Variants in TRPM3 observed in about 807,000 individuals in gnomAD.
The protein encoded by TRPM3 is transient receptor potential cation channel subfamily M member 3, also known as long transient receptor potential channel 3.
Under a neutral mutation model 181.2 loss-of-function variants are expected in TRPM3, and 77 were observed. That is an observed-to-expected ratio of 0.42 (90% CI 0.35 to 0.51). The LOEUF (loss-of-function observed/expected upper bound fraction) is 0.51. TRPM3 is among the 20% of genes least tolerant of loss of function. The probability of loss-of-function intolerance (pLI) is 0.01; values close to 1 mark genes in which losing one functional copy is unlikely to be tolerated. For synonymous variants in TRPM3, 745 were observed against 796.4 expected, an observed-to-expected ratio of 0.94 and a Z score of 1.09; for missense variants, 1,759 against 2,196.7, an observed-to-expected ratio of 0.80 and a Z score of 3.98.
intron 1 of TRPM3, among the ~76,000 whole-genome samples, chr9:71,420,828 G>GAGAGAGAGA (rs1281329727): frequency 0.067 from 130 of 1,938 alleles, 52 homozygotes; most frequent in Non-Finnish European, 0.077. Flanking sequence ...AGAAAGAGAG[G>GAGAGAGAGA]GAAAGAAAGA....
intron 1 of TRPM3, among the ~76,000 whole-genome samples, chr9:71,381,570 C>A (rs1379353206): frequency 1.3e-5 from 2 of 152,182 alleles, no homozygotes; most frequent in Non-Finnish European, 2.9e-5. Flanking sequence ...TTATTTCTAG[C>A]TACCATGTGT....
chr9:70,817,875 A>G (rs765471719), intron 6 of TRPM3, among the ~76,000 whole-genome samples: 66 of 152,070 alleles, frequency 4.3e-4, no homozygotes, highest in Admixed American at 1.1e-3. Flanking sequence ...ATTCATATAT[A>G]TAATCTTTAA....
intron 1 of TRPM3, chr9:70,917,242 T>A: frequency 6.4e-7 from 1 of 1,565,176 alleles, no homozygotes; most frequent in South Asian, 1.1e-5. Flanking sequence ...TAGCAGTGAG[T>A]GCATCAGTTA....
intron 1 of TRPM3, among the ~76,000 whole-genome samples, chr9:70,867,389 T>C (rs1199849583): frequency 1.3e-5 from 2 of 152,094 alleles, no homozygotes; most frequent in Admixed American, 6.6e-5. Context: ...AGTCAGATGA[T>C]GGGTGGTAAG....
chr9:71,385,116 A>G (rs2092896389), intron 1 of TRPM3, among the ~76,000 whole-genome samples: 1 of 152,168 alleles, frequency 6.6e-6, no homozygotes, highest in South Asian at 2.1e-4. Flanking sequence ...AAAAGCTTTG[A>G]GTAGCACAAG....
At chr9:71,068,857 C>G (rs17056215) in intron 1 of TRPM3, among the ~76,000 whole-genome samples, 9,284 of 152,246 alleles carry the variant, frequency 0.061, 409 homozygotes, top group Admixed American at 0.14. Flanking sequence ...TCACTAAGAA[C>G]ACCCAATATT....
chr9:71,305,221 G>C (rs1311422951), intron 1 of TRPM3, among the ~76,000 whole-genome samples: 1 of 152,182 alleles, frequency 6.6e-6, no homozygotes, highest in East Asian at 1.9e-4. Flanking sequence ...GTTTTAAAAG[G>C]TTTAATTATA....
intron 1 of TRPM3, among the ~76,000 whole-genome samples, chr9:71,330,902 G>A (rs921837307): frequency 6.6e-6 from 1 of 151,794 alleles, no homozygotes; most frequent in Admixed American, 6.6e-5. Context: ...AGCTGATAGA[G>A]TGCTGATCTG....
intron 1 of TRPM3, among the ~76,000 whole-genome samples, chr9:71,009,247 G>T (rs547875721): frequency 6.6e-6 from 1 of 151,972 alleles, no homozygotes; most frequent in Non-Finnish European, 1.5e-5. Context: ...GGAATAAAGG[G>T]CACTCAAAAC....
At chr9:71,345,920 C>T (rs987136896) in intron 1 of TRPM3, among the ~76,000 whole-genome samples, 1 of 152,112 alleles carries the variant, frequency 6.6e-6, no homozygotes, top group Non-Finnish European at 1.5e-5. Context: ...AAAATATTGG[C>T]AGATGTGGAC....
intron 8 of TRPM3, among the ~76,000 whole-genome samples, chr9:70,684,507 T>C (rs2066265216): frequency 1.3e-5 from 2 of 152,182 alleles, no homozygotes; most frequent in African/African-American, 2.4e-5. Flanking sequence ...ACCTGAGATA[T>C]TATGTATTCA....
intron 1 of TRPM3, among the ~76,000 whole-genome samples, chr9:71,238,129 A>C (rs2081468658): frequency 1.3e-5 from 2 of 152,180 alleles, no homozygotes; most frequent in African/African-American, 4.8e-5. Context: ...CTGCATTTCT[A>C]AAAAGTAGTT....
intron 1 of TRPM3, among the ~76,000 whole-genome samples, chr9:71,182,034 C>T (rs1452975846): frequency 6.6e-6 from 1 of 152,130 alleles, no homozygotes; most frequent in Admixed American, 6.6e-5. Context: ...CCGGCCTCTA[C>T]ATTATTCATG....
At chr9:71,087,726 G>A (rs1664894410) in intron 1 of TRPM3, among the ~76,000 whole-genome samples, 1 of 152,060 alleles carries the variant, frequency 6.6e-6, no homozygotes, top group Non-Finnish European at 1.5e-5. Context: ...AATCAGCACA[G>A]TAGATTTTTA....
At chr9:71,156,261 C>A (rs1386787308) in intron 1 of TRPM3, among the ~76,000 whole-genome samples, 2 of 151,850 alleles carry the variant, frequency 1.3e-5, no homozygotes, top group Non-Finnish European at 2.9e-5. Flanking sequence ...CTCTCATCAG[C>A]TGTGTAGACT....
At chr9:70,969,779 T>TATATATATATATATATATATATAC (rs900528837) in intron 1 of TRPM3, among the ~76,000 whole-genome samples, 27 of 139,844 alleles carry the variant, frequency 1.9e-4, no homozygotes, top group African/African-American at 6.5e-4. Context: ...TATATATATA[T>TATATATATATATATATATATATAC]ACACACACAC....
In TRPM3 at chr9:70,536,775, T is replaced by C. The variant is rs776573011; in HGVS notation, c.4338A>G (p.Pro1446=). The C allele has an allele frequency of 7.4e-6, 12 of 1,614,144 alleles. No homozygotes were observed. Among genetic ancestry groups the C allele is most frequent in the Non-Finnish European group, 1.0e-5 (12 of 1,180,020 alleles). The change falls in exon 26 of 26, where the codon CCA becomes CCG. Residue 1446 remains proline (P), a synonymous_variant. Coordinates refer to ENST00000677713, the MANE Select transcript of TRPM3 (RefSeq NM_001366145.2). ...TACTTGAAGGGGCTGTGGAAGGTAC[T>C]GGAGTTGAAAAGCTTGGCTCGCCCA... ...LGLGEPSFST[P]VPSTAPSSSA...
At chr9:71,056,919 G>A (rs1265070253) in intron 1 of TRPM3, among the ~76,000 whole-genome samples, 6 of 152,048 alleles carry the variant, frequency 3.9e-5, no homozygotes, top group Non-Finnish European at 8.8e-5. Context: ...TTGGTCTTGA[G>A]AGGAAAATCG....
At chr9:71,232,489 G>GTTTTT (rs1565367207) in intron 1 of TRPM3, among the ~76,000 whole-genome samples, 23 of 89,928 alleles carry the variant, frequency 2.6e-4, no homozygotes, top group Non-Finnish European at 3.3e-4. Context: ...TGAATTCAGT[G>GTTTTT]TCTTTTTTTT....
Sources: allele counts gnomAD v4.1 joint callset (sites outside exome capture counted in the v4.1 genomes callset), GRCh38; gene constraint gnomAD v4.1.1; transcripts MANE v1.5; gene names NCBI Gene and HGNC (gene_info 2026-07-23, HGNC 2026-07-21).